AGTPBP1: variants seen among roughly 807,000 people sequenced by gnomAD.
AGTPBP1 encodes the protein cytosolic carboxypeptidase 1.
AGTPBP1 carries 70 observed loss-of-function variants against 143.9 expected under a neutral mutation model. That is an observed-to-expected ratio of 0.49 (90% CI 0.40 to 0.59). AGTPBP1 has a LOEUF of 0.59. Among genes scored for constraint, AGTPBP1 ranks in the 20% least tolerant of loss-of-function variants. The pLI is 0.00. For synonymous variants in AGTPBP1, 463 were observed against 500.2 expected, an observed-to-expected ratio of 0.93 and a Z score of 0.99; for missense variants, 1,229 against 1,464.5, an observed-to-expected ratio of 0.84 and a Z score of 2.62.
intron 11 of AGTPBP1, among the ~76,000 whole-genome samples, chr9:85,650,972 C>T (rs1238609424): frequency 6.6e-6 from 1 of 152,170 alleles, no homozygotes; most frequent in Admixed American, 6.5e-5. Context: ...ATAACACATA[C>T]ATATTTGCTA....
At chr9:85,627,290 C>T (rs925658745) in intron 14 of AGTPBP1, among the ~76,000 whole-genome samples, 1 of 152,004 alleles carries the variant, frequency 6.6e-6, no homozygotes. Flanking sequence ...AGAGTTAAGT[C>T]TAAAACTTGC....
At chr9:85,626,704 T>C (rs577419202) in intron 14 of AGTPBP1, among the ~76,000 whole-genome samples, 2 of 152,284 alleles carry the variant, frequency 1.3e-5, no homozygotes, top group Admixed American at 6.5e-5. Context: ...AAGAGCCAGA[T>C]AGGCTTTGCA....
At chr9:85,692,541 T>C (rs1410573492) in intron 3 of AGTPBP1, 148 bp downstream of exon 3, 2 of 913,314 alleles carry the variant, frequency 2.2e-6, no homozygotes, top group African/African-American at 3.4e-5. Flanking sequence ...CCCAAAGTGC[T>C]GGGATTACAG....
intron 17 of AGTPBP1, among the ~76,000 whole-genome samples, chr9:85,618,703 A>G (rs1830735660): frequency 6.6e-6 from 1 of 152,184 alleles, no homozygotes; most frequent in Non-Finnish European, 1.5e-5. Context: ...TTACACAATC[A>G]GATGTCGCCA....
At position 85,672,625 on chromosome 9, in the gene AGTPBP1, A is replaced by C. The variant is rs1265377601; in HGVS notation, c.493T>G (p.Leu165Val). The C allele has an allele frequency of 6.2e-7, 1 of 1,613,748 alleles. No individual in the cohort carries two copies. Among genetic ancestry groups the C allele is most frequent in the Non-Finnish European group, 8.5e-7 (1 of 1,179,874 alleles). Residue 165 changes from leucine (L) to valine (V), a missense_variant, in exon 7 of 26, where the codon TTG becomes GTG. By Grantham distance (32) the Leu-to-Val change is conservative. Around this residue, in one of 2 missense-constraint regions of AGTPBP1, gnomAD observed 743 missense variants for 812.2 expected, o/e 0.91. Coordinates refer to ENST00000357081, the MANE Select transcript of AGTPBP1 (RefSeq NM_001330701.2). ...INGALNITLNLVKQNLQNHRL... is the reference protein window; with the variant it reads ...INGALNITLNVVKQNLQNHRL... ...TGATTCTGCAAATTCTGCTTGACCA[A>C]ATTCAGGGTTATATTCAGAGCCCCA...
At chr9:85,721,594 A>G (rs1838124686) in intron 1 of AGTPBP1, among the ~76,000 whole-genome samples, 2 of 151,662 alleles carry the variant, frequency 1.3e-5, no homozygotes, top group South Asian at 4.2e-4. Context: ...TCCTGAATAC[A>G]GCACACAAAT....
Position 85,741,852 on chromosome 9 carries a change from TCGCCGCC to T in AGTPBP1, c.-118_-112del. Reference sequence around the variant, plus strand: ...CAGCACCTGGATCACGGCGGATCCCTCGCCGCCCGCCGCCCGGTGTTTTCATACAAAC... The same window carrying T: ...CAGCACCTGGATCACGGCGGATCCCTCGCCGCCCGGTGTTTTCATACAAAC... On this transcript the variant is annotated 5_prime_UTR_variant, in exon 1 of 26. It introduces an in-frame stop codon into an upstream open reading frame of the 5' UTR. Coordinates refer to ENST00000357081, the MANE Select transcript of AGTPBP1 (RefSeq NM_001330701.2). 1 of 1,397,994 alleles carries T rather than the reference TCGCCGCC, an allele frequency of 7.2e-7. No individual in the cohort carries two copies. The allele number at this position is 1,397,994 out of a possible 1,614,324, so 86.6% of individuals were successfully genotyped here.
chr9:85,739,925 C>G (rs1276097063), intron 1 of AGTPBP1, among the ~76,000 whole-genome samples: 1 of 151,742 alleles, frequency 6.6e-6, no homozygotes, highest in Non-Finnish European at 1.5e-5. Context: ...ATCGCTTGAA[C>G]CCGGTAGGGG....
chr9:85,730,053 G>A (rs897340736), intron 1 of AGTPBP1, among the ~76,000 whole-genome samples: 4 of 152,176 alleles, frequency 2.6e-5, no homozygotes, highest in African/African-American at 9.7e-5. Context: ...TCCAGATTCT[G>A]AAACAGCAGT....
At position 85,741,829 on chromosome 9, in the gene AGTPBP1, G is replaced by A. The variant is rs576233693; in HGVS notation, c.-88C>T. 158 of 1,402,316 alleles carry A rather than the reference G, an allele frequency of 1.1e-4. 2 individuals are homozygous for A. The South Asian group carries it at 2.2e-3, about 20-fold the overall frequency. 86.9% of individuals were successfully genotyped at this position (1,402,316 alleles called of 1,614,324 possible). A position where few individuals can be genotyped will look rare whatever the true frequency, so the allele number is the denominator to read the frequency against. ...GCGCAGAGCCGCAGCACCCGGCTCA[G>A]CACCTGGATCACGGCGGATCCCTCG... On this transcript the variant is annotated 5_prime_UTR_variant, in exon 1 of 26. Coordinates refer to ENST00000357081, the MANE Select transcript of AGTPBP1 (RefSeq NM_001330701.2).
In AGTPBP1 at chr9:85,547,100, G is replaced by A; in HGVS notation, c.*9C>T. On this transcript the variant is annotated 3_prime_UTR_variant, in exon 26 of 26. Transcript: ENST00000357081. Reference sequence around the variant, plus strand: ...TATTCTTTGCAGTTAACAAGAGATGGCAGCGGGCTCAAGGTAGGTATGTTC... The same window carrying A: ...TATTCTTTGCAGTTAACAAGAGATGACAGCGGGCTCAAGGTAGGTATGTTC... 1.9e-6 allele frequency: 3 copies of A among 1,588,846 alleles called. No individual in the cohort carries two copies. The highest frequency in any genetic ancestry group is 1.2e-5 in the South Asian group (1 of 86,662).
chr9:85,770,085 G>GTC, the AGTPBP1 span, among the ~76,000 whole-genome samples: 6 of 150,530 alleles, frequency 4.0e-5, no homozygotes. Context: ...GTGTGTGTGT[G>GTC]TGTGTATGTG....
intron 2 of AGTPBP1, among the ~76,000 whole-genome samples, chr9:85,703,213 T>C (rs1836781833): frequency 6.6e-6 from 1 of 152,214 alleles, no homozygotes; most frequent in Admixed American, 6.5e-5. Flanking sequence ...TGTTTAGTCC[T>C]CCTAGTTTTT....
chr9:85,669,514 T>C lies in AGTPBP1; in HGVS notation c.633A>G (p.Pro211=), dbSNP rs1403282272. ...VVELMFKIIG[P]FSKKNSSLIK... ...TAAGACTGGAATTCTTCTTACTAAA[T>C]GGTCCAATGATTTTAAACATCAGTT... Residue 211 remains proline (P), a synonymous_variant, in exon 8 of 26, where the codon CCA becomes CCG. Transcript: ENST00000357081. 3 of 1,611,362 alleles carry C rather than the reference T, an allele frequency of 1.9e-6. No homozygotes were observed. The highest frequency in any genetic ancestry group is 3.3e-5 in the Admixed American group (2 of 59,944).
At chr9:85,700,157 T>C (rs918780862) in intron 2 of AGTPBP1, among the ~76,000 whole-genome samples, 1 of 152,096 alleles carries the variant, frequency 6.6e-6, no homozygotes, top group Non-Finnish European at 1.5e-5. Context: ...ACTATGAAAA[T>C]GGTTGTGACC....
At chr9:85,549,991 C>A (rs1206460207) in intron 25 of AGTPBP1, among the ~76,000 whole-genome samples, 1 of 152,152 alleles carries the variant, frequency 6.6e-6, no homozygotes, top group East Asian at 1.9e-4. Flanking sequence ...TTCTCCAGGT[C>A]CTAATAAGAT....
intron 3 of AGTPBP1, among the ~76,000 whole-genome samples, chr9:85,681,789 G>T (rs188812893): frequency 8.2e-6 from 1 of 121,340 alleles, no homozygotes; most frequent in Non-Finnish European, 1.6e-5. Context: ...TCATTCTGTC[G>T]CCCAGGCTGG....
At chr9:85,719,003 C>A (rs1309906083) in intron 1 of AGTPBP1, among the ~76,000 whole-genome samples, 1 of 151,952 alleles carries the variant, frequency 6.6e-6, no homozygotes, top group Admixed American at 6.6e-5. Context: ...ATATCTGAGG[C>A]CTCTGTTCTG....
intron 24 of AGTPBP1, 131 bp downstream of exon 24, chr9:85,578,789 T>C (rs1010969574): frequency 5.1e-5 from 48 of 932,066 alleles, no homozygotes; most frequent in Non-Finnish European, 7.0e-5. Flanking sequence ...CTGCATATGA[T>C]TCCATTATTA....
Sources: allele counts gnomAD v4.1 joint callset (sites outside exome capture counted in the v4.1 genomes callset), GRCh38; gene constraint gnomAD v4.1.1; regional missense constraint gnomAD v4.1.1; transcripts MANE v1.5; gene names NCBI Gene and HGNC (gene_info 2026-07-23, HGNC 2026-07-21).